Variants in STRC observed in about 807,000 individuals in gnomAD.
The protein encoded by STRC is stereocilin.
STRC carries 43 observed loss-of-function variants against 103.5 expected under a neutral mutation model. The observed-to-expected ratio is 0.42, with a 90% confidence interval of 0.33 to 0.54. The LOEUF (loss-of-function observed/expected upper bound fraction) is 0.54, where lower values mean the gene tolerates loss of function less well. Among genes scored for constraint, STRC ranks in the 20% least tolerant of loss-of-function variants. STRC has a pLI of 0.14. For missense variants in STRC, 499 were observed against 1,088.5 expected, an observed-to-expected ratio of 0.46 and a Z score of 7.62; for synonymous variants, 186 against 442.3, an observed-to-expected ratio of 0.42 and a Z score of 7.27.
Position 43,601,009 on chromosome 15 carries a change from G to A in STRC, c.4707C>T (p.Arg1569=), listed in dbSNP as rs1200129345. The change falls in exon 25 of 29, where the codon CGC becomes CGT. Residue 1569 remains arginine, a synonymous_variant. Coordinates refer to ENST00000450892, the MANE Select transcript of STRC (RefSeq NM_153700.2). ...QIDGWSTTQL[R]IVVSSFLRQS... Reference sequence around the variant, plus strand: ...GCCGTAGGAAACTGGAGACCACAATGCGGAGCTGGGGTGGGGGGTGGGAGA... The same window carrying A: ...GCCGTAGGAAACTGGAGACCACAATACGGAGCTGGGGTGGGGGGTGGGAGA... The A allele has an allele frequency of 7.0e-6, 6 of 856,272 alleles. No individual in the cohort carries two copies. Among genetic ancestry groups the A allele is most frequent in the South Asian group, 5.2e-5 (4 of 76,276 alleles). 53.0% of individuals were successfully genotyped at this position (856,272 alleles called of 1,614,324 possible). A position where few individuals can be genotyped will look rare whatever the true frequency, so the allele number is the denominator to read the frequency against.
chr15:43,606,893 G>A (rs1468905433), intron 18 of STRC, among the ~76,000 whole-genome samples: 3 of 96,628 alleles, frequency 3.1e-5, no homozygotes, highest in South Asian at 4.2e-4. Flanking sequence ...CCAGCTACTC[G>A]GGAGACTGAG....
chr15:43,604,155 G>C lies in STRC; in HGVS notation c.4219-3C>G, dbSNP rs1218643178. The C allele has an allele frequency of 1.2e-6, 2 of 1,608,870 alleles. No individual in the cohort carries two copies. Among genetic ancestry groups the C allele is most frequent in the African/African-American group, 1.3e-5 (1 of 74,772 alleles). The stretch of plus-strand genomic sequence containing the variant: ...AGGGTCTCTGGACCCAAGGCCTCCT[G>C]CATGAGAAGGTAGAAGGAGAGTGGG... On this transcript the variant is annotated splice_polypyrimidine_tract_variant and splice_region_variant and intron_variant, in intron 21 of 28. Transcript: ENST00000450892.
chr15:43,610,684 GA>G (rs1455830891), intron 14 of STRC: 12 of 608,694 alleles, frequency 2.0e-5, no homozygotes, highest in Non-Finnish European at 2.8e-5. Context: ...CTTTTCATCT[GA>G]AAGCAGGGTG....
At chr15:43,604,957 C>T in intron 19 of STRC, 111 bp from the exon 20 acceptor site, 2 of 1,474,790 alleles carry the variant, frequency 1.4e-6, no homozygotes, top group Non-Finnish European at 1.9e-6. Flanking sequence ...CCCAGCTCAG[C>T]ACCCTATGAT....
In STRC at chr15:43,601,424, C is replaced by T; in HGVS notation, c.4673G>A (p.Gly1558Glu). The T allele has an allele frequency of 6.2e-7, 1 of 1,613,708 alleles. No individual in the cohort carries two copies. Among genetic ancestry groups the T allele is most frequent in the Non-Finnish European group, 8.5e-7 (1 of 1,179,854 alleles). ...AGTGGTGCTCCAGCCATCTATCTGCCCCAGGGTGCTCAGCACTCCCCAGTC... is the reference window on the plus strand; with the variant it reads ...AGTGGTGCTCCAGCCATCTATCTGCTCCAGGGTGCTCAGCACTCCCCAGTC... Reference protein sequence around the residue: ...LVDWGVLSTLGQIDGWSTTQL... With the variant: ...LVDWGVLSTLEQIDGWSTTQL... The change falls in exon 24 of 29, where the codon GGG becomes GAG. Residue 1558 changes from glycine (G) to glutamate (E), a missense_variant. Gly to Glu is a moderately conservative substitution (Grantham distance 98). Coordinates refer to ENST00000450892, the MANE Select transcript of STRC (RefSeq NM_153700.2).
At chr15:43,614,352 C>CG in intron 5 of STRC, 40 bp from the exon 6 acceptor site, 2 of 407,016 alleles carry the variant, frequency 4.9e-6, no homozygotes, top group Non-Finnish European at 8.4e-6. Flanking sequence ...CCTCACCTCA[C>CG]GGGGCAGGGA....
chr15:43,614,049 G>T lies in STRC; in HGVS notation c.2318C>A (p.Pro773Gln). The stretch of plus-strand genomic sequence containing the variant: ...ACCCAGGGCCTGCTCCTCGGATGGT[G>T]GTACCTGTAGGGGCACAGGAATGGA... ...QGKLQGKLQV[P>Q]PSEEQALGRL... Residue 773 changes from proline (P) to glutamine (Q), a missense_variant, in exon 7 of 29, where the codon CCA (proline) becomes CAA (glutamine). Physicochemically the swap from Pro to Gln is moderately conservative, Grantham distance 76. Coordinates refer to ENST00000450892, the MANE Select transcript of STRC (RefSeq NM_153700.2). The T allele has an allele frequency of 1.1e-5, 2 of 190,282 alleles. No homozygotes were observed. The highest frequency in any genetic ancestry group is 5.9e-5 in the South Asian group (2 of 33,796). The allele number at this position is 190,282 out of a possible 1,614,324, so 11.8% of individuals were successfully genotyped here.
chr15:43,601,138 G>T, intron 24 of STRC, 124 bp from the exon 25 acceptor site: 1 of 864,626 alleles, frequency 1.2e-6, no homozygotes, highest in Non-Finnish European at 1.8e-6. Flanking sequence ...CATGGGGAAG[G>T]CTGAGGACTC....
At chr15:43,617,549 TC>T in intron 2 of STRC, 21 bp downstream of exon 2, 1 of 475,144 alleles carries the variant, frequency 2.1e-6, no homozygotes, top group South Asian at 2.2e-5. Context: ...CACATCCCAG[TC>T]CCAGCCCTGG....
Position 43,604,384 on chromosome 15 carries a change from C to G in STRC, c.4195G>C (p.Glu1399Gln). Residue 1399 changes from glutamate (E) to glutamine (Q), a missense_variant, in exon 21 of 29, where the codon GAG becomes CAG. Glu to Gln is a conservative substitution (Grantham distance 29, BLOSUM62 2). Coordinates refer to ENST00000450892, the MANE Select transcript of STRC (RefSeq NM_153700.2). The stretch of plus-strand genomic sequence containing the variant: ...ACCCTGGGGATCAAGGAAATTGCCT[C>G]AGTAGACAGAGTGAATACTAGGCGT... ...AGRLVFTLST[E>Q]AISLIPREAL... is the part of the protein sequence containing the mutation. 6.3e-7 allele frequency: 1 copy of G among 1,581,180 alleles called. No homozygotes were observed. The highest frequency in any genetic ancestry group is 8.6e-7 in the Non-Finnish European group (1 of 1,159,714).
At position 43,603,265 on chromosome 15, in the gene STRC, C is replaced by G. The variant is rs201520285; in HGVS notation, c.4522G>C (p.Ala1508Pro). Residue 1508 changes from alanine to proline, a missense_variant, in exon 23 of 29, where the codon GCA (alanine) becomes CCA (proline). Coordinates refer to ENST00000450892, the MANE Select transcript of STRC (RefSeq NM_153700.2). ...DPGLGPEELR[A>P]AMGKAKQLWG... ...ACCTGTTTTGCTTTGCCCATGGCTGCCCGCAGTTCCTCAGGCCCAAGTCCT... is the reference window on the plus strand; with the variant it reads ...ACCTGTTTTGCTTTGCCCATGGCTGGCCGCAGTTCCTCAGGCCCAAGTCCT... 1.2e-6 allele frequency: 2 copies of G among 1,613,570 alleles called. No individual in the cohort carries two copies. The highest frequency in any genetic ancestry group is 2.7e-5 in the African/African-American group (2 of 74,838).
At chr15:43,603,548 A>G (rs1458712770) in intron 22 of STRC, 137 bp from the exon 23 acceptor site, 4 of 966,118 alleles carry the variant, frequency 4.1e-6, no homozygotes, top group East Asian at 4.9e-5. Flanking sequence ...AGTATTACAG[A>G]GTAATATGTA....
chr15:43,602,775 G>C (rs913076133), intron 23 of STRC: 16 of 193,020 alleles, frequency 8.3e-5, no homozygotes, highest in African/African-American at 3.6e-4. Context: ...CTCCCAAGTA[G>C]CTGGGACAAC....
intron 19 of STRC, 142 bp downstream of exon 19, chr15:43,605,122 A>C: frequency 6.6e-7 from 1 of 1,524,208 alleles, no homozygotes; most frequent in Non-Finnish European, 8.9e-7. Context: ...GAGGCAAAAC[A>C]GGGGCCAGGC....
In STRC at chr15:43,604,069, C is replaced by G. The variant is rs766943441; in HGVS notation, c.4302G>C (p.Arg1434Ser). Residue 1434 changes from arginine to serine, a missense_variant, in exon 22 of 29, where the codon AGG becomes AGC. By Grantham distance (110) the Arg-to-Ser change is moderately radical (BLOSUM62 -1). Transcript: ENST00000450892. ...CTTTCTTGGCAGCAAGCTGTGGCTCCCTACACAGCTGTCCAACTCTGCTCT... is the reference window on the plus strand; with the variant it reads ...CTTTCTTGGCAGCAAGCTGTGGCTCGCTACACAGCTGTCCAACTCTGCTCT... ...WEQSRVGQLC[R>S]EPQLAAKKAA... 10 of 1,613,236 alleles carry G rather than the reference C, an allele frequency of 6.2e-6. No homozygotes were observed. The highest frequency in any genetic ancestry group is 6.8e-6 in the Non-Finnish European group (8 of 1,179,694).
Position 43,601,543 on chromosome 15 carries a change from A to T in STRC, c.4554T>A (p.Gly1518=). Reference sequence around the variant, plus strand: ...GCTCAGGACGAAATCCCCGGGGGGGACCCCACAACTAGGAGAAAGACAGGA... The same window carrying T: ...GCTCAGGACGAAATCCCCGGGGGGGTCCCCACAACTAGGAGAAAGACAGGA... ...AAMGKAKQLW[G]PPRGFRPEQI... is the part of the protein sequence containing the mutation. Residue 1518 remains glycine, a synonymous_variant, in exon 24 of 29, where the codon GGT becomes GGA. Coordinates refer to ENST00000450892, the MANE Select transcript of STRC (RefSeq NM_153700.2). 1 of 1,613,656 alleles carries T rather than the reference A, an allele frequency of 6.2e-7. No homozygotes were observed. The highest frequency in any genetic ancestry group is 8.5e-7 in the Non-Finnish European group (1 of 1,179,798).
Position 43,603,325 on chromosome 15 carries a change from A to G in STRC, c.4462T>C (p.Phe1488Leu). ...GCAAATAATGTCAGGCAGTCCTCAA[A>G]GTCTGAGAGCTCCATCTCTGCAATC... ...TQIAEMELSD[F>L]EDCLTLFAGD... The change falls in exon 23 of 29, where the codon TTT becomes CTT. Residue 1488 changes from phenylalanine to leucine, a missense_variant. Coordinates refer to ENST00000450892, the MANE Select transcript of STRC (RefSeq NM_153700.2). 1 of 1,613,856 alleles carries G rather than the reference A, an allele frequency of 6.2e-7. No homozygotes were observed. The highest frequency in any genetic ancestry group is 8.5e-7 in the Non-Finnish European group (1 of 1,179,876).
chr15:43,605,438 G>C (rs961440695), intron 18 of STRC, 39 bp from the exon 19 acceptor site: 2 of 1,575,818 alleles, frequency 1.3e-6, no homozygotes, highest in South Asian at 1.2e-5. Flanking sequence ...TTCAGGTGGA[G>C]CTGGGCCAAG....
At chr15:43,603,576 T>G in intron 22 of STRC, 165 bp from the exon 23 acceptor site, 1 of 799,668 alleles carries the variant, frequency 1.3e-6, no homozygotes. Flanking sequence ...TAGGAGATAA[T>G]AGAACAAGAA....
Sources: allele counts gnomAD v4.1 joint callset (sites outside exome capture counted in the v4.1 genomes callset), GRCh38; gene constraint gnomAD v4.1.1; transcripts MANE v1.5; gene names NCBI Gene and HGNC (gene_info 2026-07-23, HGNC 2026-07-21).